ASRGL1: variants seen among roughly 807,000 people sequenced by gnomAD.
ASRGL1 encodes asparaginase and isoaspartyl peptidase 1, also known as isoaspartyl peptidase/L-asparaginase.
Under a neutral mutation model 22.4 loss-of-function variants are expected in ASRGL1, and 16 were observed. The observed-to-expected ratio is 0.71, with a 90% CI of 0.48 to 1.08. The LOEUF is 1.08. ASRGL1 is among the 50% of genes least tolerant of loss of function. ASRGL1 has a pLI of 0.00. For synonymous variants in ASRGL1, 165 were observed against 159.3 expected (o/e 1.04, Z -0.27); for missense variants, 412 against 410.1 (o/e 1.00, Z -0.04).
chr11:62,389,390 G>A (rs2031418603), intron 5 of ASRGL1, 139 bp downstream of exon 5: 1 of 870,268 alleles, frequency 1.1e-6, no homozygotes, highest in Non-Finnish European at 1.9e-6. Flanking sequence ...GTCTGGGAGT[G>A]ACAATGGGGT....
rs15810 is a variant in ASRGL1, at chr11:62,392,494, A to T, written c.*210A>T. Reference sequence around the variant, plus strand: ...CGTATTAGGAGGATTACTTGAGCCCAGGAGGTCAAAGCTGAGGTGAGCCAT... The same window carrying T: ...CGTATTAGGAGGATTACTTGAGCCCTGGAGGTCAAAGCTGAGGTGAGCCAT... On this transcript the variant is annotated 3_prime_UTR_variant, in exon 7 of 7. Transcript: ENST00000415229. The T allele has an allele frequency of 0.8, 496,044 of 620,652 alleles. 199,237 individuals are homozygous for T. Among genetic ancestry groups the T allele is most frequent in the South Asian group, 0.86 (43,558 of 50,902 alleles). 38.4% of individuals were successfully genotyped at this position (620,652 alleles called of 1,614,324 possible). A position where few individuals can be genotyped will look rare whatever the true frequency, so the allele number is the denominator to read the frequency against.
chr11:62,373,288 G>T, intron 4 of ASRGL1: 2 of 655,456 alleles, frequency 3.1e-6, no homozygotes, highest in Non-Finnish European at 5.5e-6. Context: ...GACCGAAGGT[G>T]CATTTTTATT....
At position 62,372,432 on chromosome 11, in the gene ASRGL1, C is replaced by T. The variant is rs138318945; in HGVS notation, c.491+15288C>T. On this transcript the variant is annotated intron_variant, in intron 4 of 6. Transcript: ENST00000415229. ...GTATGATAATGGACTGCAAAGGAAA[C>T]CTCTATTCCTTTGGGTGCCCTGAAT... The T allele has an allele frequency of 8.8e-4, 1,362 of 1,551,772 alleles. 12 individuals carry two copies. The African/African-American group carries it at 0.015, about 17-fold the overall frequency.
chr11:62,361,674 GA>G (rs1390268564), intron 4 of ASRGL1, among the ~76,000 whole-genome samples: 1 of 151,904 alleles, frequency 6.6e-6, no homozygotes, highest in Non-Finnish European at 1.5e-5. Flanking sequence ...TTTTAGTAGA[GA>G]GGGGGTTTCA....
At chr11:62,349,824 T>C (rs1228599209) in intron 2 of ASRGL1, among the ~76,000 whole-genome samples, 2 of 152,204 alleles carry the variant, frequency 1.3e-5, no homozygotes, top group East Asian at 3.9e-4. Context: ...TATTTCTTGA[T>C]GATCTGCTAA....
chr11:62,352,348 G>A (rs1946187342), intron 2 of ASRGL1, among the ~76,000 whole-genome samples: 1 of 152,202 alleles, frequency 6.6e-6, no homozygotes, highest in South Asian at 2.1e-4. Flanking sequence ...CACTTTGGGA[G>A]GCCGAGGTGG....
intron 4 of ASRGL1, among the ~76,000 whole-genome samples, chr11:62,376,084 G>A (rs1376267081): frequency 7.2e-6 from 1 of 137,952 alleles, no homozygotes; most frequent in Non-Finnish European, 1.5e-5. Flanking sequence ...CCTGGTGACG[G>A]AGCAAGACTC....
At chr11:62,385,647 T>C (rs902509762) in intron 4 of ASRGL1, among the ~76,000 whole-genome samples, 1 of 152,168 alleles carries the variant, frequency 6.6e-6, no homozygotes, top group Non-Finnish European at 1.5e-5. Flanking sequence ...GGTGGATCAC[T>C]TGAGCCCAGG....
At chr11:62,348,958 T>C (rs1373144216) in intron 2 of ASRGL1, among the ~76,000 whole-genome samples, 1 of 136,776 alleles carries the variant, frequency 7.3e-6, no homozygotes, top group African/African-American at 2.7e-5. Context: ...TGAACTTTTT[T>C]GGTTTTTTGT....
At chr11:62,388,103 G>T (rs1161955239) in intron 4 of ASRGL1, among the ~76,000 whole-genome samples, 1 of 152,166 alleles carries the variant, frequency 6.6e-6, no homozygotes, top group Non-Finnish European at 1.5e-5. Flanking sequence ...TGCAGCATGT[G>T]ACTGTCCTGA....
intron 4 of ASRGL1, among the ~76,000 whole-genome samples, chr11:62,358,337 TC>T (rs1369002853): frequency 2.2e-5 from 3 of 134,998 alleles, no homozygotes; most frequent in African/African-American, 8.3e-5. Context: ...ACCATTGCAC[TC>T]TAGCCTGGGC....
chr11:62,362,668 TAATATATATTATATAA>T (rs1485126294), intron 4 of ASRGL1, among the ~76,000 whole-genome samples: 6 of 58,088 alleles, frequency 1.0e-4, no homozygotes, highest in Non-Finnish European at 1.7e-4. Context: ...ATAAAATATA[TAATATATATTATATAA>T]AATATATATT....
At chr11:62,347,191 C>G (rs1689005767) in intron 2 of ASRGL1, among the ~76,000 whole-genome samples, 1 of 152,164 alleles carries the variant, frequency 6.6e-6, no homozygotes, top group Non-Finnish European at 1.5e-5. Flanking sequence ...GACAGCACCT[C>G]TCTGAAGGAC....
At chr11:62,386,454 A>C (rs1247260423) in intron 4 of ASRGL1, among the ~76,000 whole-genome samples, 1 of 151,750 alleles carries the variant, frequency 6.6e-6, no homozygotes, top group Non-Finnish European at 1.5e-5. Flanking sequence ...ATAGATATGT[A>C]CATATCATAC....
chr11:62,393,604 C>T (rs1396215764), downstream of ASRGL1, among the ~76,000 whole-genome samples: 4 of 152,094 alleles, frequency 2.6e-5, no homozygotes, highest in Non-Finnish European at 5.9e-5. Flanking sequence ...GAAGCCAAAC[C>T]ATGATAGGGT....
At chr11:62,394,619 A>G (rs1057261464), downstream of ASRGL1, among the ~76,000 whole-genome samples, 1 of 152,014 alleles carries the variant, frequency 6.6e-6, no homozygotes, top group Non-Finnish European at 1.5e-5. Context: ...GAGCTGGGGG[A>G]TAGGGAGGCC....
chr11:62,394,530 G>A (rs1189255118), downstream of ASRGL1, among the ~76,000 whole-genome samples: 2 of 151,740 alleles, frequency 1.3e-5, no homozygotes, highest in Non-Finnish European at 2.9e-5. Context: ...AGGCAAAACA[G>A]AATCATGTTG....
Position 62,389,174 on chromosome 11 carries a change from G to A in ASRGL1, c.533G>A (p.Gly178Glu), listed in dbSNP as rs1430456118. 24 of 1,613,944 alleles carry A rather than the reference G, an allele frequency of 1.5e-5. No individual in the cohort carries two copies. The highest frequency in any genetic ancestry group is 2.0e-5 in the Non-Finnish European group (24 of 1,180,018). ...TVGAVALDCK[G>E]NVAYATSTGG... ...GGTGCTGTTGCCTTGGACTGCAAAG[G>A]GAATGTAGCCTACGCAACCTCCACA... Residue 178 changes from glycine (G) to glutamate (E), a missense_variant, in exon 5 of 7, where the codon GGG becomes GAG. Coordinates refer to ENST00000415229, the MANE Select transcript of ASRGL1 (RefSeq NM_001083926.2).
At chr11:62,362,083 A>G (rs1056107281) in intron 4 of ASRGL1, among the ~76,000 whole-genome samples, 3 of 152,278 alleles carry the variant, frequency 2.0e-5, no homozygotes, top group African/African-American at 7.2e-5. Flanking sequence ...ATCCAGAAGC[A>G]TACTATGTGA....
Sources: gnomAD v4.1 joint callset for allele counts (sites outside exome capture counted in the v4.1 genomes callset) on GRCh38, gnomAD v4.1.1 for gene constraint, MANE v1.5 for transcripts, NCBI Gene and HGNC (gene_info 2026-07-23, HGNC 2026-07-21) for gene names.